Variants in ABLIM1 observed in about 807,000 individuals in gnomAD.
The protein encoded by ABLIM1 is actin binding LIM protein 1.
ABLIM1 carries 40 observed loss-of-function variants against 107.0 expected under a neutral mutation model. The ratio of observed to expected loss-of-function variants is 0.37; its 90% CI spans 0.29 to 0.49. The LOEUF is 0.49. Among genes scored for constraint, ABLIM1 ranks in the 20% least tolerant of loss-of-function variants. The pLI is 0.97. For synonymous variants in ABLIM1, 357 were observed against 357.3 expected (o/e 1.00, Z 0.01); for missense variants, 857 against 1,008.5 (o/e 0.85, Z 2.04).
intron 1 of ABLIM1, among the ~76,000 whole-genome samples, chr10:114,606,276 G>C (rs1306185042): frequency 6.6e-6 from 1 of 151,692 alleles, no homozygotes; most frequent in African/African-American, 2.4e-5. Flanking sequence ...TTGCTCTGTC[G>C]CCAGGCTGGA....
intron 1 of ABLIM1, among the ~76,000 whole-genome samples, chr10:114,692,709 G>T (rs1423400881): frequency 6.6e-6 from 1 of 152,176 alleles, no homozygotes; most frequent in Non-Finnish European, 1.5e-5. Flanking sequence ...GGCCAATATG[G>T]TGAAACCTCG....
chr10:114,507,028 T>C (rs534364181), intron 6 of ABLIM1, among the ~76,000 whole-genome samples: 1 of 152,356 alleles, frequency 6.6e-6, no homozygotes, highest in South Asian at 2.1e-4. Flanking sequence ...AAGACTGTTT[T>C]ACAGATGGTT....
At chr10:114,454,706 C>A (rs191387647) in intron 12 of ABLIM1, among the ~76,000 whole-genome samples, 42 of 152,266 alleles carry the variant, frequency 2.8e-4, no homozygotes, top group African/African-American at 9.9e-4. Context: ...TTGTAACTGG[C>A]CTAAATTGTC....
upstream of ABLIM1, among the ~76,000 whole-genome samples, chr10:114,772,720 C>A (rs1007808984): frequency 1.3e-5 from 2 of 152,092 alleles, no homozygotes; most frequent in Non-Finnish European, 1.5e-5. Flanking sequence ...AGAAGCCATG[C>A]TGAGTGAGAG....
chr10:114,679,968 C>G (rs757544990), intron 1 of ABLIM1, among the ~76,000 whole-genome samples: 27 of 152,166 alleles, frequency 1.8e-4, no homozygotes, highest in Non-Finnish European at 4.4e-5. Context: ...GCTTTTGCCT[C>G]TCATGTAGTG....
At chr10:114,777,725 C>A in the ABLIM1 span, among the ~76,000 whole-genome samples, 1 of 152,212 alleles carries the variant, frequency 6.6e-6, no homozygotes, top group African/African-American at 2.4e-5. Context: ...CCCACGCAAG[C>A]ACCAAGAGTC....
At chr10:114,736,263 T>C (rs559232254) in intron 1 of ABLIM1, among the ~76,000 whole-genome samples, 1 of 152,328 alleles carries the variant, frequency 6.6e-6, no homozygotes, top group African/African-American at 2.4e-5. Flanking sequence ...TTAACACAGA[T>C]ACTGCTTGCA....
At chr10:114,591,396 T>C (rs2074852662) in intron 2 of ABLIM1, among the ~76,000 whole-genome samples, 1 of 152,170 alleles carries the variant, frequency 6.6e-6, no homozygotes, top group Non-Finnish European at 1.5e-5. Flanking sequence ...CTGTCATAAG[T>C]CAATAGCCAG....
chr10:114,592,987 G>A (rs2075053152), intron 2 of ABLIM1, among the ~76,000 whole-genome samples: 1 of 152,118 alleles, frequency 6.6e-6, no homozygotes, highest in Non-Finnish European at 1.5e-5. Flanking sequence ...GGAATTGTCA[G>A]GGAACAGATG....
upstream of ABLIM1, among the ~76,000 whole-genome samples, chr10:114,769,476 A>AAAGG (rs2082994105): frequency 6.9e-6 from 1 of 145,780 alleles, no homozygotes; most frequent in African/African-American, 2.6e-5. Flanking sequence ...AGAAAGAAAG[A>AAAGG]AAGAGAAAGA....
intron 1 of ABLIM1, among the ~76,000 whole-genome samples, chr10:114,749,635 C>T (rs776061615): frequency 5.3e-5 from 8 of 152,102 alleles, no homozygotes; most frequent in Admixed American, 1.3e-4. Flanking sequence ...GAGTGGTTGT[C>T]GTTTCACTCA....
intron 4 of ABLIM1, among the ~76,000 whole-genome samples, chr10:114,555,013 G>A (rs532225727): frequency 5.9e-5 from 9 of 152,206 alleles, no homozygotes; most frequent in African/African-American, 1.2e-4. Flanking sequence ...TTACCGAGCC[G>A]AATTTCAGGC....
intron 6 of ABLIM1, among the ~76,000 whole-genome samples, chr10:114,506,533 CTTTT>C (rs1400441420): frequency 6.6e-6 from 1 of 152,072 alleles, no homozygotes; most frequent in African/African-American, 2.4e-5. Flanking sequence ...TGTTTTCTGG[CTTTT>C]TAATAATAGC....
rs779147136 is a variant in ABLIM1 at position 114,439,306 on chromosome 10, G to A, written c.2068-56C>T. The A allele has an allele frequency of 4.7e-5, 75 of 1,593,106 alleles. No individual in the cohort carries two copies. In the Admixed American group the frequency reaches 1.2e-3, roughly 25 times the overall value. On this transcript the variant is annotated intron_variant, in intron 20 of 22. Transcript: ENST00000533213. The stretch of plus-strand genomic sequence containing the variant: ...CATGAAATAGTCTAGGAAACTGAAG[G>A]GAGTACTCTTGGGCTCCCAATTCCC...
chr10:114,798,648 G>A, the ABLIM1 span, among the ~76,000 whole-genome samples: 1 of 151,724 alleles, frequency 6.6e-6, no homozygotes, highest in Non-Finnish European at 1.5e-5. Flanking sequence ...AAGCCGAGGT[G>A]GGAGGATCAC....
intron 1 of ABLIM1, among the ~76,000 whole-genome samples, chr10:114,759,261 G>A (rs2082694571): frequency 6.6e-6 from 1 of 152,102 alleles, no homozygotes; most frequent in Admixed American, 6.5e-5. Context: ...ACAATATGCT[G>A]GAAAAGATAA....
intron 1 of ABLIM1, among the ~76,000 whole-genome samples, chr10:114,634,129 C>CT (rs745875295): frequency 0.075 from 5,100 of 68,166 alleles, 1,142 homozygotes; most frequent in African/African-American, 0.23. Context: ...CTCAATTTTT[C>CT]TTTTTTTTTT....
chr10:114,550,665 C>T (rs888780671), intron 4 of ABLIM1, among the ~76,000 whole-genome samples: 1 of 152,160 alleles, frequency 6.6e-6, no homozygotes, highest in African/African-American at 2.4e-5. Context: ...TAGTATCATA[C>T]AGAGTAGTGT....
intron 6 of ABLIM1, among the ~76,000 whole-genome samples, chr10:114,535,472 G>A (rs931352804): frequency 6.6e-6 from 1 of 152,066 alleles, no homozygotes; most frequent in Non-Finnish European, 1.5e-5. Flanking sequence ...CACCATGCCC[G>A]GCTAATTTTT....
Sources: gnomAD v4.1 joint callset for allele counts (sites outside exome capture counted in the v4.1 genomes callset) on GRCh38, gnomAD v4.1.1 for gene constraint, MANE v1.5 for transcripts, NCBI Gene and HGNC (gene_info 2026-07-23, HGNC 2026-07-21) for gene names.